PARD3B: variants seen among roughly 807,000 people sequenced by gnomAD.
The protein encoded by PARD3B is partitioning defective 3 homolog B.
In PARD3B, 103 loss-of-function variants were observed where a neutral mutation model predicts 130.2. The ratio of observed to expected loss-of-function variants is 0.79; its 90% CI spans 0.67 to 0.93. The LOEUF is 0.93. Ranked by LOEUF, PARD3B falls within the 40% of genes least tolerant of loss-of-function variation. The probability of loss-of-function intolerance (pLI) is 0.00; values close to 1 mark genes in which losing one functional copy is unlikely to be tolerated. For synonymous variants in PARD3B, 583 were observed against 553.2 expected, an observed-to-expected ratio of 1.05 and a Z score of -0.76; for missense variants, 1,609 against 1,499.2, an observed-to-expected ratio of 1.07 and a Z score of -1.21.
At chr2:204,691,467 T>C (rs960018099) in intron 2 of PARD3B, among the ~76,000 whole-genome samples, 2 of 152,098 alleles carry the variant, frequency 1.3e-5, no homozygotes, top group East Asian at 3.9e-4. Context: ...ACATGTGATA[T>C]CTGGTATTCA....
intron 3 of PARD3B, among the ~76,000 whole-genome samples, chr2:205,029,354 T>C (rs1164816657): frequency 1.3e-5 from 2 of 152,112 alleles, no homozygotes; most frequent in African/African-American, 2.4e-5. Context: ...TGTGGTGTCT[T>C]TGTGCCTAGT....
At chr2:204,576,214 G>A (rs2032250576) in intron 1 of PARD3B, among the ~76,000 whole-genome samples, 3 of 152,078 alleles carry the variant, frequency 2.0e-5, no homozygotes, top group Admixed American at 2.0e-4. Flanking sequence ...GTAGCTTGAG[G>A]GTGCCCTAAA....
intron 1 of PARD3B, among the ~76,000 whole-genome samples, chr2:204,659,599 C>T (rs528273035): frequency 2.0e-5 from 3 of 152,164 alleles, no homozygotes; most frequent in South Asian, 4.2e-4. Context: ...TACATGTTTC[C>T]CCCACATCAT....
At chr2:204,807,211 TG>T (rs2042799773) in intron 2 of PARD3B, among the ~76,000 whole-genome samples, 1 of 152,170 alleles carries the variant, frequency 6.6e-6, no homozygotes, top group Admixed American at 6.6e-5. Context: ...GTGGGGATTA[TG>T]GGAGCTACAA....
chr2:205,326,679 T>G (rs147994322), intron 18 of PARD3B, among the ~76,000 whole-genome samples: 32 of 152,304 alleles, frequency 2.1e-4, no homozygotes, highest in African/African-American at 7.2e-4. Context: ...AAAAGGTAAT[T>G]AAATAATTAC....
chr2:204,748,601 T>G (rs1221534414), intron 2 of PARD3B, among the ~76,000 whole-genome samples: 1 of 152,166 alleles, frequency 6.6e-6, no homozygotes, highest in Admixed American at 6.6e-5. Context: ...AGCATGCATT[T>G]TAATTACTCA....
intron 3 of PARD3B, among the ~76,000 whole-genome samples, chr2:205,045,770 T>C (rs868372080): frequency 2.4e-4 from 36 of 150,584 alleles, no homozygotes; most frequent in African/African-American, 7.6e-4. Context: ...TCTCCATATA[T>C]ACACACACAC....
intron 4 of PARD3B, among the ~76,000 whole-genome samples, chr2:205,092,739 C>G (rs1188552823): frequency 6.6e-6 from 1 of 152,142 alleles, no homozygotes; most frequent in Non-Finnish European, 1.5e-5. Flanking sequence ...GGTCCCCATA[C>G]TGATCAACAA....
intron 1 of PARD3B, among the ~76,000 whole-genome samples, chr2:204,559,173 C>A (rs1272872932): frequency 1.3e-5 from 2 of 152,056 alleles, no homozygotes; most frequent in Non-Finnish European, 2.9e-5. Flanking sequence ...AATGGCAACA[C>A]AAGCCAAAAT....
At chr2:205,222,700 C>A (rs990779234) in intron 15 of PARD3B, among the ~76,000 whole-genome samples, 41 of 152,144 alleles carry the variant, frequency 2.7e-4, no homozygotes, top group Non-Finnish European at 2.4e-4. Flanking sequence ...ATATCAATTT[C>A]TTGCTGATAG....
chr2:204,877,820 G>A (rs1031642482), intron 2 of PARD3B, among the ~76,000 whole-genome samples: 5 of 152,206 alleles, frequency 3.3e-5, no homozygotes, highest in Admixed American at 6.5e-5. Context: ...CTGTGTGTCA[G>A]TTTGGCAATA....
intron 20 of PARD3B, among the ~76,000 whole-genome samples, chr2:205,478,549 A>G (rs2049110392): frequency 6.6e-6 from 1 of 152,144 alleles, no homozygotes; most frequent in African/African-American, 2.4e-5. Flanking sequence ...TTTCGATTTT[A>G]CCGTATGTGG....
chr2:204,804,814 AATC>A (rs1455954327), intron 2 of PARD3B, among the ~76,000 whole-genome samples: 3 of 152,176 alleles, frequency 2.0e-5, no homozygotes, highest in African/African-American at 2.4e-5. Context: ...TAAAACTAGA[AATC>A]AATAATAAGA....
chr2:205,455,031 G>C (rs1385397682), intron 20 of PARD3B, among the ~76,000 whole-genome samples: 1 of 152,066 alleles, frequency 6.6e-6, no homozygotes, highest in Non-Finnish European at 1.5e-5. Context: ...TAAGAGCCAG[G>C]AGATAGAACA....
At chr2:204,776,736 A>G (rs1239239243) in intron 2 of PARD3B, among the ~76,000 whole-genome samples, 1 of 151,990 alleles carries the variant, frequency 6.6e-6, no homozygotes, top group East Asian at 1.9e-4. Flanking sequence ...ATTTAAGTTG[A>G]ACCAGAGGAA....
chr2:205,306,072 A>G (rs2105918842), intron 18 of PARD3B, among the ~76,000 whole-genome samples: 1 of 152,322 alleles, frequency 6.6e-6, no homozygotes, highest in African/African-American at 2.4e-5. Flanking sequence ...AGACAAGGTG[A>G]CTGTGGAAAT....
intron 2 of PARD3B, among the ~76,000 whole-genome samples, chr2:204,736,308 CA>C (rs2039747453): frequency 6.6e-6 from 1 of 151,886 alleles, no homozygotes; most frequent in South Asian, 2.1e-4. Context: ...ATTTGGGGTA[CA>C]GTGCTTTTTT....
At chr2:205,062,900 A>G (rs943648287) in intron 4 of PARD3B, among the ~76,000 whole-genome samples, 4 of 152,120 alleles carry the variant, frequency 2.6e-5, no homozygotes, top group Non-Finnish European at 5.9e-5. Flanking sequence ...GAGTATTATG[A>G]CATTTCTGCA....
At chr2:204,601,323 G>A (rs1266184161) in intron 1 of PARD3B, among the ~76,000 whole-genome samples, 5 of 152,006 alleles carry the variant, frequency 3.3e-5, no homozygotes, top group African/African-American at 1.2e-4. Flanking sequence ...AAGAAATCAA[G>A]CAGGCACGCT....
Sources: gnomAD v4.1 joint callset for allele counts (sites outside exome capture counted in the v4.1 genomes callset) on GRCh38, gnomAD v4.1.1 for gene constraint, MANE v1.5 for transcripts, NCBI Gene and HGNC (gene_info 2026-07-23, HGNC 2026-07-21) for gene names.